PDS5B: variants seen among roughly 807,000 people sequenced by gnomAD.
The protein encoded by PDS5B is PDS5 cohesin associated factor B.
Under a neutral mutation model 184.1 loss-of-function variants are expected in PDS5B, and 51 were observed. The observed-to-expected ratio is 0.28, with a 90% CI of 0.22 to 0.35. PDS5B has a LOEUF of 0.35. Among genes scored for constraint, PDS5B ranks in the 10% least tolerant of loss-of-function variants. The pLI is 1.00. For synonymous variants in PDS5B, 566 were observed against 569.2 expected (o/e 0.99, Z 0.08); for missense variants, 1,180 against 1,723.3 (o/e 0.68, Z 5.58).
At chr13:32,610,739 T>C (rs372024026) in intron 1 of PDS5B, among the ~76,000 whole-genome samples, 26 of 152,234 alleles carry the variant, frequency 1.7e-4, no homozygotes, top group African/African-American at 5.5e-4. Flanking sequence ...TAGTTGTTCA[T>C]CCTTGAGTGA....
Position 32,758,096 on chromosome 13 carries a change from GT to G in PDS5B, c.3069del (p.Phe1023LeufsTer6). 1 of 1,298,668 alleles carries G rather than the reference GT, an allele frequency of 7.7e-7. No individual in the cohort carries two copies. The highest frequency in any genetic ancestry group is 1.0e-6 in the Non-Finnish European group (1 of 974,378). The allele number at this position is 1,298,668 out of a possible 1,614,324, so 80.4% of individuals were successfully genotyped here. A position where few individuals can be genotyped will look rare whatever the true frequency, so the allele number is the denominator to read the frequency against. Reference sequence around the variant, plus strand: ...TTTTTTTTTTTTTTAGATGTCTTTGGTTTGTTCTGGAAATATTAATGGCTAA... The same window carrying G: ...TTTTTTTTTTTTTTAGATGTCTTTGGTTGTTCTGGAAATATTAATGGCTAA... The part of the protein sequence containing the change: ...QLKDVKECLW[F>X]VLEILMAKNE... On this transcript the variant is annotated frameshift_variant, in exon 27 of 35. Transcript: ENST00000315596. LOFTEE classifies it high-confidence loss of function.
intron 1 of PDS5B, among the ~76,000 whole-genome samples, chr13:32,606,823 A>G (rs140953155): frequency 7.9e-5 from 12 of 152,232 alleles, no homozygotes; most frequent in African/African-American, 1.4e-4. Context: ...TTGATCTTCA[A>G]TCACTCATAC....
chr13:32,703,613 G>A (rs1214885492), intron 17 of PDS5B, among the ~76,000 whole-genome samples: 3 of 152,140 alleles, frequency 2.0e-5, no homozygotes, highest in Non-Finnish European at 4.4e-5. Flanking sequence ...GCTGGAGTGT[G>A]GAAAACAGCA....
intron 19 of PDS5B, among the ~76,000 whole-genome samples, chr13:32,714,437 C>T (rs1386208056): frequency 6.6e-6 from 1 of 152,134 alleles, no homozygotes; most frequent in Non-Finnish European, 1.5e-5. Flanking sequence ...TTGAGATCAA[C>T]CGGTCTGACC....
chr13:32,666,827 G>A (rs553745739), intron 6 of PDS5B, among the ~76,000 whole-genome samples: 1 of 152,082 alleles, frequency 6.6e-6, no homozygotes, highest in Non-Finnish European at 1.5e-5. Context: ...TGAAAGTTTA[G>A]TCCATAGAAT....
chr13:32,627,616 A>G (rs1593284628), intron 1 of PDS5B, among the ~76,000 whole-genome samples: 1 of 152,186 alleles, frequency 6.6e-6, no homozygotes, highest in East Asian at 1.9e-4. Flanking sequence ...AAAATGAAGG[A>G]AAAAAGAGAA....
At chr13:32,655,372 A>ATTTT (rs1166180181) in intron 3 of PDS5B, among the ~76,000 whole-genome samples, 1 of 52,304 alleles carries the variant, frequency 1.9e-5, no homozygotes, top group African/African-American at 9.6e-5. Context: ...ATATATATAT[A>ATTTT]TATTTTTTTT....
At chr13:32,652,209 T>G (rs1950382766) in intron 3 of PDS5B, 2 of 472,778 alleles carry the variant, frequency 4.2e-6, no homozygotes, top group East Asian at 6.6e-5. Flanking sequence ...AGAAGTAGAT[T>G]AATACAGTGT....
At chr13:32,623,003 G>T (rs183709099) in intron 1 of PDS5B, among the ~76,000 whole-genome samples, 1 of 152,294 alleles carries the variant, frequency 6.6e-6, no homozygotes, top group African/African-American at 2.4e-5. Context: ...TTTAAGGGTG[G>T]TTTGGCAGGC....
chr13:32,730,835 GGA>G (rs922410519), intron 19 of PDS5B, among the ~76,000 whole-genome samples: 3 of 152,124 alleles, frequency 2.0e-5, no homozygotes, highest in African/African-American at 7.2e-5. Flanking sequence ...CTCAGCTTAA[GGA>G]GTCTTTTGGC....
chr13:32,752,007 A>C (rs926118065), intron 24 of PDS5B, among the ~76,000 whole-genome samples: 1 of 152,210 alleles, frequency 6.6e-6, no homozygotes, highest in Non-Finnish European at 1.5e-5. Flanking sequence ...TGATCATTCT[A>C]GATGAAGAAA....
At chr13:32,605,743 C>A (rs894751942) in intron 1 of PDS5B, among the ~76,000 whole-genome samples, 1 of 152,100 alleles carries the variant, frequency 6.6e-6, no homozygotes, top group African/African-American at 2.4e-5. Flanking sequence ...CTTTATGAAT[C>A]TGGGTGCTCC....
chr13:32,700,217 G>A (rs546237931), intron 16 of PDS5B, among the ~76,000 whole-genome samples: 28 of 150,728 alleles, frequency 1.9e-4, no homozygotes, highest in Non-Finnish European at 3.5e-4. Context: ...TTACTATTAA[G>A]AAGAATATAA....
chr13:32,639,958 T>G (rs2058629630), intron 1 of PDS5B, among the ~76,000 whole-genome samples: 1 of 152,236 alleles, frequency 6.6e-6, no homozygotes, highest in African/African-American at 2.4e-5. Context: ...TTTGTTGATT[T>G]GGATGCCTAA....
chr13:32,701,695 T>C (rs1593461300), intron 17 of PDS5B, among the ~76,000 whole-genome samples: 1 of 152,108 alleles, frequency 6.6e-6, no homozygotes, highest in African/African-American at 2.4e-5. Flanking sequence ...ATTTTAAGGA[T>C]TGGTTCAAAT....
chr13:32,764,602 A>T lies in PDS5B; in HGVS notation c.3624+8A>T. ...GACTCTGATCTTGTAAGGGTGAGAT[A>T]TTTGCATTGATTTTATAATAATATT... On this transcript the variant is annotated splice_region_variant and intron_variant, in intron 31 of 34. Coordinates refer to ENST00000315596, the MANE Select transcript of PDS5B (RefSeq NM_015032.4). The T allele has an allele frequency of 7.0e-7, 1 of 1,428,770 alleles. No homozygotes were observed. The highest frequency in any genetic ancestry group is 9.7e-7 in the Non-Finnish European group (1 of 1,032,520). 88.5% of individuals were successfully genotyped at this position (1,428,770 alleles called of 1,614,324 possible). A position where few individuals can be genotyped will look rare whatever the true frequency, so the allele number is the denominator to read the frequency against.
At chr13:32,596,395 A>G (rs1472165960) in intron 1 of PDS5B, among the ~76,000 whole-genome samples, 1 of 152,170 alleles carries the variant, frequency 6.6e-6, no homozygotes, top group Non-Finnish European at 1.5e-5. Flanking sequence ...CATTGGGGGA[A>G]TATTTCACAG....
At chr13:32,642,463 G>A (rs1165523418) in intron 1 of PDS5B, among the ~76,000 whole-genome samples, 1 of 152,132 alleles carries the variant, frequency 6.6e-6, no homozygotes, top group African/African-American at 2.4e-5. Context: ...GAGGAGCCTA[G>A]CTCTGCCTGG....
intron 1 of PDS5B, among the ~76,000 whole-genome samples, chr13:32,634,347 A>T (rs918522316): frequency 6.6e-5 from 10 of 152,094 alleles, no homozygotes; most frequent in Non-Finnish European, 1.5e-4. Flanking sequence ...ATGTACATGC[A>T]CAGAATCTAG....
Sources: allele counts gnomAD v4.1 joint callset (sites outside exome capture counted in the v4.1 genomes callset), GRCh38; gene constraint gnomAD v4.1.1; transcripts MANE v1.5; gene names NCBI Gene and HGNC (gene_info 2026-07-23, HGNC 2026-07-21).